The following NTN1 variants were observed in gnomAD, a reference collection of about 807,000 sequenced individuals.
NTN1 encodes the protein netrin 1, also known as netrin-1.
In NTN1, 11 loss-of-function variants were observed where a neutral mutation model predicts 54.2. The ratio of observed to expected loss-of-function variants is 0.20; its 90% CI spans 0.13 to 0.34. The LOEUF (loss-of-function observed/expected upper bound fraction) is 0.34, where lower values mean the gene tolerates loss of function less well. Ranked by LOEUF, NTN1 falls within the 10% of genes least tolerant of loss-of-function variation. The pLI is 1.00. For missense variants in NTN1, 740 were observed against 893.1 expected (o/e 0.83, Z 2.18); for synonymous variants, 371 against 382.0 (o/e 0.97, Z 0.33).
the NTN1 span, among the ~76,000 whole-genome samples, chr17:9,015,335 C>T: frequency 6.5e-4 from 99 of 152,202 alleles, no homozygotes; most frequent in African/African-American, 2.3e-3. Flanking sequence ...TGCTTGAACC[C>T]AGGAGGCAGA....
chr17:9,010,307 A>C, the NTN1 span, among the ~76,000 whole-genome samples: 2 of 152,164 alleles, frequency 1.3e-5, no homozygotes, highest in Non-Finnish European at 2.9e-5. Context: ...CTATTCACTT[A>C]CTTCTGGACT....
chr17:9,086,259 T>C (rs1040746047), intron 2 of NTN1, among the ~76,000 whole-genome samples: 7 of 152,126 alleles, frequency 4.6e-5, no homozygotes, highest in Admixed American at 4.6e-4. Context: ...TCCCAGCTGC[T>C]GGGGAGCCTG....
intron 3 of NTN1, chr17:9,177,527 G>A (rs182969756): frequency 7.2e-5 from 11 of 152,334 alleles, no homozygotes; most frequent in Admixed American, 3.9e-4. Context: ...CCATCAGCTC[G>A]GAGGGGAGAA....
chr17:9,115,058 G>A (rs905083977), intron 2 of NTN1, among the ~76,000 whole-genome samples: 3 of 150,318 alleles, frequency 2.0e-5, no homozygotes, highest in South Asian at 2.1e-4. Context: ...ATGCTGGGGC[G>A]CCAGGCCGGG....
chr17:9,217,846 A>C (rs1905246462), intron 5 of NTN1, among the ~76,000 whole-genome samples: 1 of 123,446 alleles, frequency 8.1e-6, no homozygotes, highest in Admixed American at 8.8e-5. Context: ...GACAGAAAGG[A>C]AAGACACCAA....
intron 3 of NTN1, among the ~76,000 whole-genome samples, chr17:9,169,693 T>C (rs890709330): frequency 1.3e-5 from 2 of 152,138 alleles, no homozygotes; most frequent in Admixed American, 6.5e-5. Context: ...GGTGAAACCC[T>C]GTCTCTACTA....
intron 2 of NTN1, among the ~76,000 whole-genome samples, chr17:9,042,354 G>C (rs368306188): frequency 6.6e-6 from 1 of 151,880 alleles, no homozygotes; most frequent in Non-Finnish European, 1.5e-5. Context: ...GTGTGATGGC[G>C]CGCCTCTCTA....
Position 9,129,683 on chromosome 17 carries a change from C to T in NTN1, c.1019-33130C>T, listed in dbSNP as rs144708541. On this transcript the variant is annotated intron_variant, in intron 2 of 6. Coordinates refer to ENST00000173229, the MANE Select transcript of NTN1 (RefSeq NM_004822.3). The stretch of plus-strand genomic sequence containing the variant: ...GATGCCGTGTTTTCCATACTGTCAC[C>T]TCCCGTGCCATTTGGAATGTGGATA... Among the ~76,000 whole-genome samples the T allele has an allele frequency of 3.8e-3, 584 of 152,298 alleles. 2 individuals carry two copies. The highest frequency in any genetic ancestry group is 5.6e-3 in the Non-Finnish European group (378 of 68,032).
chr17:9,190,558 A>G (rs1305181182), intron 5 of NTN1, among the ~76,000 whole-genome samples: 2 of 152,206 alleles, frequency 1.3e-5, no homozygotes, highest in African/African-American at 4.8e-5. Context: ...CTGAGTAGAA[A>G]GTCTAGAAAC....
At chr17:9,065,006 G>A (rs1322081671) in intron 2 of NTN1, among the ~76,000 whole-genome samples, 3 of 151,942 alleles carry the variant, frequency 2.0e-5, no homozygotes, top group African/African-American at 7.3e-5. Flanking sequence ...GTGCAATCTC[G>A]GCTCACTGCA....
chr17:9,165,666 T>G lies in NTN1; in HGVS notation c.1207+2665T>G, dbSNP rs1374351361. ...GAAAGGGTGGGACTCTTAGTGCCTG[T>G]TGACTGGGGAGGAATGACAGTGTTT... On this transcript the variant is annotated intron_variant, in intron 3 of 6. Transcript: ENST00000173229. This position sits in a 1 kb window ranked among gnomAD's most constrained non-coding sequence, Gnocchi z 4.5. 6.6e-6 allele frequency among the ~76,000 whole-genome samples: 1 copy of G among 152,122 alleles called. No homozygotes were observed. Among genetic ancestry groups the G allele is most frequent in the African/African-American group, 2.4e-5 (1 of 41,420 alleles).
chr17:9,181,148 G>T (rs969601791), intron 4 of NTN1, among the ~76,000 whole-genome samples: 14 of 152,198 alleles, frequency 9.2e-5, no homozygotes, highest in Non-Finnish European at 7.3e-5. Flanking sequence ...CCCAGCCTGT[G>T]CCTTCTCTCC....
intron 2 of NTN1, among the ~76,000 whole-genome samples, chr17:9,102,977 G>A (rs2092155198): frequency 6.6e-6 from 1 of 152,228 alleles, no homozygotes; most frequent in South Asian, 2.1e-4. Flanking sequence ...GGTAGTGACT[G>A]TGGAGGAGGT....
rs771765402 is a variant in NTN1 at position 9,179,829 on chromosome 17, T to A, written c.1230T>A (p.Gly410=). The A allele has an allele frequency of 1.9e-6, 3 of 1,614,012 alleles. No homozygotes were observed. Among genetic ancestry groups the A allele is most frequent in the Middle Eastern group, 1.6e-4 (1 of 6,062 alleles). The change falls in exon 4 of 7, where the codon GGT becomes GGA. Residue 410 remains glycine (G), a synonymous_variant. Coordinates refer to ENST00000173229, the MANE Select transcript of NTN1 (RefSeq NM_004822.3). ...ACKACDCHPV[G]AAGKTCNQTT... is the part of the protein sequence containing the mutation. ...CAGCCTGTGATTGCCACCCTGTGGGTGCTGCTGGCAAAACCTGCAACCAAA... is the reference window on the plus strand; with the variant it reads ...CAGCCTGTGATTGCCACCCTGTGGGAGCTGCTGGCAAAACCTGCAACCAAA...
intron 2 of NTN1, among the ~76,000 whole-genome samples, chr17:9,126,679 G>A (rs140805922): frequency 4.1e-4 from 63 of 152,246 alleles, no homozygotes; most frequent in Middle Eastern, 6.8e-3. Context: ...TTAGGGCTTC[G>A]CATTCAGCTC....
In NTN1 at chr17:9,212,553, C is replaced by G. The variant is rs1905131990; in HGVS notation, c.1412-8615C>G. Among the ~76,000 whole-genome samples the G allele has an allele frequency of 6.6e-6, 1 of 152,224 alleles. No individual in the cohort carries two copies. Among genetic ancestry groups the G allele is most frequent in the Non-Finnish European group, 1.5e-5 (1 of 68,030 alleles). On this transcript the variant is annotated intron_variant, in intron 5 of 6. Transcript: ENST00000173229. The surrounding 1 kb of genome is among the most constrained non-coding windows in gnomAD (Gnocchi z 5.5). Reference sequence around the variant, plus strand: ...GGCAGAATGGCCCAGCCGAAATGGACAGAGCTGGCTGGGTGCCCCTGTTAG... The same window carrying G: ...GGCAGAATGGCCCAGCCGAAATGGAGAGAGCTGGCTGGGTGCCCCTGTTAG...
At chr17:9,007,411 TTC>T in the NTN1 span, among the ~76,000 whole-genome samples, 23 of 151,194 alleles carry the variant, frequency 1.5e-4, no homozygotes, top group Non-Finnish European at 2.5e-4. Context: ...TCTTCTTTTC[TTC>T]TCTCTTTCTT....
intron 2 of NTN1, among the ~76,000 whole-genome samples, chr17:9,143,915 A>G (rs1414339989): frequency 1.5e-5 from 2 of 134,218 alleles, no homozygotes; most frequent in African/African-American, 3.0e-5. Context: ...TTTTTTTTTG[A>G]GATGGAATTT....
rs542897265 is a variant in NTN1, at chr17:9,078,291, C to A, written c.1018+54900C>A. Among the ~76,000 whole-genome samples the A allele has an allele frequency of 7.2e-5, 11 of 152,250 alleles. No homozygotes were observed. In the East Asian group the frequency reaches 2.1e-3, roughly 29 times the overall value. ...GCACAGGTTGCTATCCAATACCAGG[C>A]AGCAGTTCCCTGGGTGGGGGCAGTG... On this transcript the variant is annotated intron_variant, in intron 2 of 6. Coordinates refer to ENST00000173229, the MANE Select transcript of NTN1 (RefSeq NM_004822.3).
Sources: gnomAD v4.1 joint callset for allele counts (sites outside exome capture counted in the v4.1 genomes callset) on GRCh38, gnomAD v4.1.1 for gene constraint, Gnocchi (gnomAD v3.1) non-coding constraint, MANE v1.5 for transcripts, NCBI Gene and HGNC (gene_info 2026-07-23, HGNC 2026-07-21) for gene names.